Variants in NCKAP5 observed in about 807,000 individuals in gnomAD.
NCKAP5 encodes the protein NCK associated protein 5, also known as nck-associated protein 5.
A neutral mutation model predicts 167.0 loss-of-function variants in NCKAP5; 92 were observed. The ratio of observed to expected loss-of-function variants is 0.55; its 90% CI spans 0.47 to 0.66. The LOEUF is 0.66. Among genes scored for constraint, NCKAP5 ranks in the 30% least tolerant of loss-of-function variants. The pLI is 0.00. For missense variants in NCKAP5, 2,378 were observed against 2,315.0 expected, an observed-to-expected ratio of 1.03 and a Z score of -0.56; for synonymous variants, 891 against 877.4, an observed-to-expected ratio of 1.02 and a Z score of -0.27.
chr2:133,464,187 A>C (rs114826912), intron 3 of NCKAP5, among the ~76,000 whole-genome samples: 3,026 of 152,310 alleles, frequency 0.02, 107 homozygotes, highest in African/African-American at 0.069. Flanking sequence ...GATGATTTTG[A>C]ACAGAAAGAC....
At chr2:133,330,053 C>CTTTTTTTTTTTT (rs1165568563) in intron 3 of NCKAP5, among the ~76,000 whole-genome samples, 5 of 85,704 alleles carry the variant, frequency 5.8e-5, no homozygotes, top group African/African-American at 1.9e-4. Flanking sequence ...AAAGCAAGAC[C>CTTTTTTTTTTTT]TTTTTTTTTT....
chr2:132,947,804 C>T (rs898325043), intron 8 of NCKAP5, among the ~76,000 whole-genome samples: 8 of 152,106 alleles, frequency 5.3e-5, no homozygotes, highest in Admixed American at 2.0e-4. Flanking sequence ...GGAGATTTCA[C>T]GATAGAGCAT....
At position 133,337,872 on chromosome 2, in the gene NCKAP5, G is replaced by A. The variant is rs112846895; in HGVS notation, c.70-34762C>T. ...AATAATCAACTTCCTTGGATAGAAT[G>A]GACCATTCTTATGATGAATTTCATG... On this transcript the variant is annotated intron_variant, in intron 3 of 19. Coordinates refer to ENST00000409261, the MANE Select transcript of NCKAP5 (RefSeq NM_207363.3). Among the ~76,000 whole-genome samples, 271 of 152,246 alleles carry A rather than the reference G, an allele frequency of 1.8e-3. 3 individuals are homozygous for A. The highest frequency in any genetic ancestry group is 6.8e-3 in the Middle Eastern group (2 of 294).
chr2:132,869,601 C>A (rs1005347554), intron 9 of NCKAP5, among the ~76,000 whole-genome samples: 4 of 152,150 alleles, frequency 2.6e-5, no homozygotes, highest in African/African-American at 9.7e-5. Context: ...TGGGGCTGGG[C>A]ACATTCAACT....
At chr2:133,644,232 C>T in the NCKAP5 span, among the ~76,000 whole-genome samples, 13 of 152,132 alleles carry the variant, frequency 8.5e-5, no homozygotes, top group Non-Finnish European at 1.8e-4. Flanking sequence ...TATTGGAGGT[C>T]TGAATAGAAC....
the NCKAP5 span, among the ~76,000 whole-genome samples, chr2:133,590,999 T>C: frequency 2.0e-5 from 3 of 151,602 alleles, no homozygotes; most frequent in Admixed American, 2.0e-4. Flanking sequence ...GTGGCACGGG[T>C]TGTGTGTTTG....
chr2:133,314,911 T>C (rs756988098), intron 3 of NCKAP5, among the ~76,000 whole-genome samples: 3 of 152,132 alleles, frequency 2.0e-5, no homozygotes, highest in Non-Finnish European at 2.9e-5. Flanking sequence ...GGGAGGCTCA[T>C]TCTAGGCAGA....
At chr2:132,961,042 T>A (rs1409841232) in intron 8 of NCKAP5, among the ~76,000 whole-genome samples, 1 of 152,114 alleles carries the variant, frequency 6.6e-6, no homozygotes, top group Non-Finnish European at 1.5e-5. Flanking sequence ...TATATCAAAT[T>A]TTTCCAAAGT....
intron 4 of NCKAP5, among the ~76,000 whole-genome samples, chr2:133,262,558 C>A (rs955545928): frequency 6.6e-6 from 1 of 152,200 alleles, no homozygotes; most frequent in Non-Finnish European, 1.5e-5. Context: ...GCCACCTACT[C>A]TCTGAGAGAA....
At chr2:133,113,669 G>T (rs761609994) in intron 6 of NCKAP5, among the ~76,000 whole-genome samples, 1 of 152,204 alleles carries the variant, frequency 6.6e-6, no homozygotes, top group Non-Finnish European at 1.5e-5. Context: ...TTCCAAATGG[G>T]CCCAAGCCTG....
intron 4 of NCKAP5, among the ~76,000 whole-genome samples, chr2:133,286,467 A>C (rs978010647): frequency 2.0e-5 from 3 of 152,202 alleles, no homozygotes. Flanking sequence ...TGAAATAATG[A>C]CTTATATTCT....
intron 6 of NCKAP5, among the ~76,000 whole-genome samples, chr2:133,077,062 T>C (rs78958468): frequency 0.045 from 6,814 of 152,262 alleles, 245 homozygotes; most frequent in Non-Finnish European, 0.062. Flanking sequence ...TACTAACTTT[T>C]TGGATATTCT....
At chr2:133,544,589 G>A (rs1204554137) in intron 2 of NCKAP5, among the ~76,000 whole-genome samples, 3 of 152,076 alleles carry the variant, frequency 2.0e-5, no homozygotes, top group African/African-American at 4.8e-5. Context: ...TTATTTGTTT[G>A]ATTTTTTCCT....
chr2:133,145,328 C>T lies in NCKAP5; in HGVS notation c.208-15217G>A, dbSNP rs147580220. The stretch of plus-strand genomic sequence containing the variant: ...ACACAGGAAGGGGAACATCACATAC[C>T]GGGGCCTGTCGGGAAGTAGGGGTTA... On this transcript the variant is annotated intron_variant, in intron 5 of 19. Coordinates refer to ENST00000409261, the MANE Select transcript of NCKAP5 (RefSeq NM_207363.3). 2.3e-3 allele frequency among the ~76,000 whole-genome samples: 347 copies of T among 151,814 alleles called. 4 individuals are homozygous for T. Among genetic ancestry groups the T allele is most frequent in the African/African-American group, 7.8e-3 (322 of 41,402 alleles).
At chr2:133,010,402 T>A (rs2164834) in intron 6 of NCKAP5, among the ~76,000 whole-genome samples, 8,227 of 152,220 alleles carry the variant, frequency 0.054, 565 homozygotes, top group East Asian at 0.36. Flanking sequence ...TTACATGCAC[T>A]TAAAGTTATG....
rs373081530 is a variant in NCKAP5, at chr2:132,782,907, T to G, written c.3904A>C (p.Ile1302Leu). Residue 1302 changes from isoleucine (I) to leucine (L), a missense_variant, in exon 14 of 20, where the codon ATT becomes CTT. By Grantham distance (5) the Ile-to-Leu change is conservative. Around this residue, in one of 3 missense-constraint regions of NCKAP5, gnomAD observed 1,325 missense variants for 1,274.5 expected, o/e 1.04. Coordinates refer to ENST00000409261, the MANE Select transcript of NCKAP5 (RefSeq NM_207363.3). ...EGSGKVRTQI[I>L]TNTAERGNSL... ...TTGCCTCTCTCGGCGGTATTGGTAA[T>G]GATCTGAGTGCGGACTTTGCCTGAC... 1 of 1,613,802 alleles carries G rather than the reference T, an allele frequency of 6.2e-7. No individual in the cohort carries two copies. The highest frequency in any genetic ancestry group is 8.5e-7 in the Non-Finnish European group (1 of 1,179,876).
rs553783673 is a variant in NCKAP5 at position 132,946,665 on chromosome 2, G to C, written c.579+17055C>G. Among the ~76,000 whole-genome samples, 18 of 152,296 alleles carry C rather than the reference G, an allele frequency of 1.2e-4. No homozygotes were observed. In the South Asian group the frequency reaches 3.5e-3, roughly 30 times the overall value. ...TAATCCTAGTACTTTGGGAAGCCGA[G>C]GGGGGTGGATCACTTGAGCTCAGAA... On this transcript the variant is annotated intron_variant, in intron 8 of 19. Transcript: ENST00000409261.
intron 4 of NCKAP5, among the ~76,000 whole-genome samples, chr2:133,264,270 C>A (rs761530375): frequency 3.1e-4 from 47 of 152,164 alleles, no homozygotes; most frequent in Non-Finnish European, 1.6e-4. Flanking sequence ...TTTGGTTAAG[C>A]AGGATTGGTG....
At chr2:133,375,003 A>T (rs1232950488) in intron 3 of NCKAP5, among the ~76,000 whole-genome samples, 1 of 152,126 alleles carries the variant, frequency 6.6e-6, no homozygotes, top group Non-Finnish European at 1.5e-5. Flanking sequence ...AAGTTCACAA[A>T]CTCAGTCAGT....
Sources: allele counts gnomAD v4.1 joint callset (sites outside exome capture counted in the v4.1 genomes callset), GRCh38; gene constraint gnomAD v4.1.1; regional missense constraint gnomAD v4.1.1; transcripts MANE v1.5; gene names NCBI Gene and HGNC (gene_info 2026-07-23, HGNC 2026-07-21).